Variants in ROBO1 observed in about 807,000 individuals in gnomAD.
ROBO1 encodes the protein roundabout homolog 1.
Under a neutral mutation model 195.9 loss-of-function variants are expected in ROBO1, and 149 were observed. The ratio of observed to expected loss-of-function variants is 0.76; its 90% CI spans 0.67 to 0.87. The LOEUF is 0.87. ROBO1 is among the 40% of genes least tolerant of loss of function. The pLI is 0.00. For synonymous variants in ROBO1, 816 were observed against 733.2 expected (o/e 1.11, Z -1.82); for missense variants, 1,933 against 2,068.3 (o/e 0.93, Z 1.27).
chr3:78,680,592 T>C (rs1312384924), intron 10 of ROBO1, among the ~76,000 whole-genome samples: 2 of 151,688 alleles, frequency 1.3e-5, no homozygotes, highest in South Asian at 2.1e-4. Context: ...ATGCTCACCA[T>C]CACTGGCCAT....
chr3:79,532,417 A>C (rs1033664308), intron 2 of ROBO1, among the ~76,000 whole-genome samples: 4 of 152,154 alleles, frequency 2.6e-5, no homozygotes, highest in African/African-American at 9.7e-5. Flanking sequence ...AAGGAAAATA[A>C]ATTTAAATTC....
intron 26 of ROBO1, among the ~76,000 whole-genome samples, chr3:78,623,075 C>A (rs1704550813): frequency 6.6e-6 from 1 of 152,088 alleles, no homozygotes; most frequent in Non-Finnish European, 1.5e-5. Flanking sequence ...TGTTAGACAG[C>A]AATAGAAACA....
At chr3:78,630,652 C>T (rs1348597518) in intron 25 of ROBO1, among the ~76,000 whole-genome samples, 1 of 152,152 alleles carries the variant, frequency 6.6e-6, no homozygotes, top group Admixed American at 6.5e-5. Flanking sequence ...CACTAGCTTC[C>T]TAATTGCTAT....
intron 4 of ROBO1, among the ~76,000 whole-genome samples, chr3:78,786,577 G>A (rs995426087): frequency 1.8e-4 from 27 of 152,072 alleles, no homozygotes; most frequent in Admixed American, 1.3e-3. Context: ...GGAGGGACCC[G>A]GTAGGAGGTA....
intron 2 of ROBO1, among the ~76,000 whole-genome samples, chr3:79,520,492 C>T (rs967077483): frequency 1.3e-5 from 2 of 152,186 alleles, no homozygotes; most frequent in East Asian, 3.9e-4. Context: ...ATATGATATC[C>T]AGATTTGTTC....
Position 79,033,172 on chromosome 3 carries a change from G to C in ROBO1, c.172+92284C>G, listed in dbSNP as rs138150516. ...TAATACAATTACATAATTTTAAAGT[G>C]ATAATTGCAAGTCTCATAATTGTCC... On this transcript the variant is annotated intron_variant, in intron 3 of 30. Transcript: ENST00000464233. 3.6e-3 allele frequency among the ~76,000 whole-genome samples: 547 copies of C among 152,134 alleles called. 7 individuals carry two copies. The highest frequency in any genetic ancestry group is 0.012 in the African/African-American group (507 of 41,560).
At chr3:78,823,422 A>T (rs2031232668) in intron 4 of ROBO1, among the ~76,000 whole-genome samples, 1 of 152,224 alleles carries the variant, frequency 6.6e-6, no homozygotes, top group African/African-American at 2.4e-5. Flanking sequence ...TCTCAGATCT[A>T]AGAGGGAAAT....
chr3:79,355,931 T>C (rs2035533363), intron 2 of ROBO1, among the ~76,000 whole-genome samples: 1 of 152,210 alleles, frequency 6.6e-6, no homozygotes, highest in African/African-American at 2.4e-5. Flanking sequence ...GTAGACCTAG[T>C]AGTAGAATTG....
intron 2 of ROBO1, among the ~76,000 whole-genome samples, chr3:79,177,107 C>A (rs2081272547): frequency 6.6e-6 from 1 of 152,132 alleles, no homozygotes. Flanking sequence ...AATTTCAGTA[C>A]TTTTTTTAAA....
At chr3:78,808,515 T>G (rs2084623158) in intron 4 of ROBO1, among the ~76,000 whole-genome samples, 1 of 152,170 alleles carries the variant, frequency 6.6e-6, no homozygotes, top group Non-Finnish European at 1.5e-5. Context: ...AAATGTGGAT[T>G]TTAAATGTTA....
In ROBO1 at chr3:78,685,924, C is replaced by A; in HGVS notation, c.1171-7G>T. The stretch of plus-strand genomic sequence containing the variant: ...GATATGAGAAAAGTAGATTCTAGAA[C>A]CCAGAAATTGGGATGGAGGAAAATA... On this transcript the variant is annotated splice_region_variant and splice_polypyrimidine_tract_variant and intron_variant, in intron 9 of 30. Transcript: ENST00000464233. 1 of 1,553,904 alleles carries A rather than the reference C, an allele frequency of 6.4e-7. No individual in the cohort carries two copies. Among genetic ancestry groups the A allele is most frequent in the Admixed American group, 1.9e-5 (1 of 51,846 alleles).
At chr3:79,439,963 T>C (rs2039000623) in intron 2 of ROBO1, among the ~76,000 whole-genome samples, 1 of 152,046 alleles carries the variant, frequency 6.6e-6, no homozygotes, top group Admixed American at 6.6e-5. Context: ...GAAGGCTTCA[T>C]TGAGGGGTGA....
intron 2 of ROBO1, among the ~76,000 whole-genome samples, chr3:79,282,066 A>C (rs1209220250): frequency 2.6e-5 from 4 of 152,212 alleles, no homozygotes; most frequent in South Asian, 4.1e-4. Flanking sequence ...GTAGTGGTCT[A>C]CAGGTAGGGA....
At chr3:79,754,626 A>G (rs1282875763) in intron 1 of ROBO1, among the ~76,000 whole-genome samples, 1 of 152,124 alleles carries the variant, frequency 6.6e-6, no homozygotes, top group Non-Finnish European at 1.5e-5. Context: ...GGCAGTTTGG[A>G]GAGACTTAAT....
At chr3:78,978,430 A>C (rs2076927149) in intron 3 of ROBO1, among the ~76,000 whole-genome samples, 1 of 152,134 alleles carries the variant, frequency 6.6e-6, no homozygotes, top group Non-Finnish European at 1.5e-5. Context: ...CACTGGTATT[A>C]ATAATACTAA....
At chr3:79,677,362 A>G (rs1946813921) in intron 1 of ROBO1, among the ~76,000 whole-genome samples, 1 of 151,994 alleles carries the variant, frequency 6.6e-6, no homozygotes, top group Admixed American at 6.6e-5. Flanking sequence ...GAGGTTTAAT[A>G]GAGAACTCAT....
intron 2 of ROBO1, among the ~76,000 whole-genome samples, chr3:79,463,944 CCCACTAGA>C (rs1937802414): frequency 1.3e-5 from 2 of 152,134 alleles, no homozygotes; most frequent in Non-Finnish European, 2.9e-5. Flanking sequence ...CACATCCTTT[CCCACTAGA>C]CCTAAGCAGC....
At chr3:79,626,290 C>T (rs1205355521) in intron 1 of ROBO1, among the ~76,000 whole-genome samples, 2 of 151,978 alleles carry the variant, frequency 1.3e-5, no homozygotes, top group Non-Finnish European at 2.9e-5. Flanking sequence ...CCTAAAAATA[C>T]AAAAGTTAGC....
chr3:78,654,822 C>CA (rs1370325096), intron 18 of ROBO1, among the ~76,000 whole-genome samples: 2 of 151,904 alleles, frequency 1.3e-5, no homozygotes, highest in Non-Finnish European at 2.9e-5. Context: ...ATTTATCTTC[C>CA]AAAAAACAGA....
Sources: gnomAD v4.1 joint callset for allele counts (sites outside exome capture counted in the v4.1 genomes callset) on GRCh38, gnomAD v4.1.1 for gene constraint, MANE v1.5 for transcripts, NCBI Gene and HGNC (gene_info 2026-07-23, HGNC 2026-07-21) for gene names.